Variants in PCDHGA3 observed in about 807,000 individuals in gnomAD.
The protein encoded by PCDHGA3 is protocadherin gamma subfamily A, 3, also known as protocadherin gamma-A3.
A neutral mutation model predicts 58.5 loss-of-function variants in PCDHGA3; 40 were observed. The ratio of observed to expected loss-of-function variants is 0.68; its 90% CI spans 0.53 to 0.89. The LOEUF (loss-of-function observed/expected upper bound fraction) is 0.89, where lower values mean the gene tolerates loss of function less well. Ranked by LOEUF, PCDHGA3 falls within the 40% of genes least tolerant of loss-of-function variation. The pLI is 0.00. For synonymous variants in PCDHGA3, 530 were observed against 525.7 expected (o/e 1.01, Z -0.11); for missense variants, 1,223 against 1,195.9 (o/e 1.02, Z -0.33).
Position 141,491,586 on chromosome 5 carries a change from G to T in PCDHGA3, c.2425-3221G>T, listed in dbSNP as rs373990387. ...ACAGGACGTGCTTTTCACCGGCCTC[G>T]GACGGCAGTGACTTCACTTTTCTAA... On this transcript the variant is annotated intron_variant, in intron 1 of 3. Transcript: ENST00000253812. This position sits in a 1 kb window ranked among gnomAD's most constrained non-coding sequence, Gnocchi z 6.9. 2.1e-5 allele frequency: 34 copies of T among 1,613,792 alleles called. No individual in the cohort carries two copies. In the African/African-American group the frequency reaches 2.4e-4, roughly 11 times the overall value.
intron 1 of PCDHGA3, chr5:141,367,592 A>T (rs1303624910): frequency 1.3e-5 from 2 of 152,018 alleles, no homozygotes; most frequent in African/African-American, 2.4e-5. Flanking sequence ...AGTAGATAAA[A>T]TTTATATTAA....
intron 1 of PCDHGA3, chr5:141,492,013 T>G: frequency 1.6e-6 from 1 of 610,970 alleles, no homozygotes; most frequent in Non-Finnish European, 2.7e-6. Context: ...TCCGCGGGTG[T>G]CGGGGGTCCC....
At chr5:141,500,184 T>A (rs889800014) in intron 2 of PCDHGA3, among the ~76,000 whole-genome samples, 89 of 135,966 alleles carry the variant, frequency 6.5e-4, no homozygotes, top group African/African-American at 2.4e-3. Flanking sequence ...TCATTTTTAT[T>A]TTTATTTATT....
intron 1 of PCDHGA3, chr5:141,355,845 C>T (rs1479367504): frequency 1.2e-6 from 2 of 1,612,160 alleles, no homozygotes; most frequent in African/African-American, 2.7e-5. Context: ...TCACGGCCTT[C>T]GATGGAGGTG....
chr5:141,345,708 G>A lies in PCDHGA3; in HGVS notation c.1675G>A (p.Ala559Thr). The change falls in exon 1 of 4, where the codon GCG becomes ACG. Residue 559 changes from alanine to threonine, a missense_variant. Ala to Thr is a moderately conservative substitution (Grantham distance 58). This residue lies in a region of PCDHGA3 where 791 missense variants were observed against 708.5 expected (regional missense o/e 1.12). Coordinates refer to ENST00000253812, the MANE Select transcript of PCDHGA3 (RefSeq NM_018916.4). ...NLFVLDQNDN[A>T]PEILYPALPT... ...GTTCGTGCTGGACCAGAACGACAAC[G>A]CGCCCGAGATCCTGTACCCCGCCCT... 1 of 1,614,208 alleles carries A rather than the reference G, an allele frequency of 6.2e-7. No individual in the cohort carries two copies. The highest frequency in any genetic ancestry group is 8.5e-7 in the Non-Finnish European group (1 of 1,180,050).
At chr5:141,419,210 GTTT>G in intron 1 of PCDHGA3, 1 of 1,613,926 alleles carries the variant, frequency 6.2e-7, no homozygotes, top group East Asian at 2.2e-5. Flanking sequence ...CAACGCGCCG[GTTT>G]TCGGACAGTC....
intron 1 of PCDHGA3, among the ~76,000 whole-genome samples, chr5:141,464,417 A>C (rs2099083685): frequency 6.6e-6 from 1 of 151,564 alleles, no homozygotes; most frequent in African/African-American, 2.4e-5. Flanking sequence ...ATATATATCT[A>C]TATATATAGA....
At chr5:141,464,413 A>G (rs2099083422) in intron 1 of PCDHGA3, among the ~76,000 whole-genome samples, 1 of 151,632 alleles carries the variant, frequency 6.6e-6, no homozygotes, top group African/African-American at 2.4e-5. Context: ...ATATATATAT[A>G]TCTATATATA....
intron 1 of PCDHGA3, chr5:141,394,634 C>T (rs764703837): frequency 2.5e-6 from 4 of 1,613,328 alleles, no homozygotes; most frequent in Non-Finnish European, 1.7e-6. Flanking sequence ...TGTCCTACCG[C>T]CTGCTCAAGG....
At chr5:141,371,576 C>T in intron 1 of PCDHGA3, 2 of 1,613,882 alleles carry the variant, frequency 1.2e-6, no homozygotes, top group Non-Finnish European at 1.7e-6. Flanking sequence ...CCTTTAAAAT[C>T]GTTCAAGATA....
chr5:141,365,680 C>A (rs1281360154), intron 1 of PCDHGA3: 1 of 1,613,514 alleles, frequency 6.2e-7, no homozygotes, highest in South Asian at 1.1e-5. Flanking sequence ...ACAACCCACC[C>A]AATTTCCCTC....
At chr5:141,478,163 C>T (rs779617960) in intron 1 of PCDHGA3, 1 of 1,614,028 alleles carries the variant, frequency 6.2e-7, no homozygotes, top group Non-Finnish European at 8.5e-7. Context: ...TGGCTCTGCC[C>T]CCCGGGAGCA....
At position 141,432,587 on chromosome 5, in the gene PCDHGA3, A is replaced by G. The variant is rs1344597432; in HGVS notation, c.2425-62220A>G. 5 of 1,613,132 alleles carry G rather than the reference A, an allele frequency of 3.1e-6. No homozygotes were observed. In the East Asian group the frequency reaches 8.9e-5, roughly 29 times the overall value. ...CGCCTGGCTGTCCTACCGTCTGCTC[A>G]AGGCCAGCGAGCCGGGACTCTTCTC... On this transcript the variant is annotated intron_variant, in intron 1 of 3. Transcript: ENST00000253812. This position sits in a 1 kb window ranked among gnomAD's most constrained non-coding sequence, Gnocchi z 6.0.
chr5:141,417,900 G>C, intron 1 of PCDHGA3: 2 of 1,583,452 alleles, frequency 1.3e-6, no homozygotes, highest in Non-Finnish European at 1.7e-6. Context: ...GCCGGCCCGC[G>C]GCAGGTACTA....
At chr5:141,364,193 A>G (rs1588593751) in intron 1 of PCDHGA3, 1 of 1,067,164 alleles carries the variant, frequency 9.4e-7, no homozygotes, top group Non-Finnish European at 1.3e-6. Flanking sequence ...TACTAAACAC[A>G]CAGACCAGAC....
intron 1 of PCDHGA3, chr5:141,352,398 G>T (rs1212224200): frequency 6.2e-7 from 1 of 1,613,996 alleles, no homozygotes; most frequent in East Asian, 2.2e-5. Context: ...CGCCTGCGAC[G>T]TTCCTCCAGC....
At position 141,511,181 on chromosome 5, in the gene PCDHGA3, G is replaced by A. The variant is rs1301391138; in HGVS notation, c.*8G>A. On this transcript the variant is annotated 3_prime_UTR_variant, in exon 4 of 4. Transcript: ENST00000253812. Reference sequence around the variant, plus strand: ...AAGAAGGAGAAGAAGTAACATGGAGGCCAGGCCAAGAGCCACAGGGCGGCC... The same window carrying A: ...AAGAAGGAGAAGAAGTAACATGGAGACCAGGCCAAGAGCCACAGGGCGGCC... 6.2e-7 allele frequency: 1 copy of A among 1,614,016 alleles called. No homozygotes were observed. The highest frequency in any genetic ancestry group is 1.7e-5 in the Admixed American group (1 of 60,016).
rs1400778058 is a variant in PCDHGA3 at position 141,366,688 on chromosome 5, G to A, written c.2424+20231G>A. The A allele has an allele frequency of 6.2e-6, 10 of 1,614,136 alleles. No individual in the cohort carries two copies. The Admixed American group carries it at 1.2e-4, about 19-fold the overall frequency. The stretch of plus-strand genomic sequence containing the variant: ...CGCTCCTTAGTGAAGAGAGCTGTGA[G>A]AAAAGCGAGCCTCTTCTGATGTCTG... On this transcript the variant is annotated intron_variant, in intron 1 of 3. Coordinates refer to ENST00000253812, the MANE Select transcript of PCDHGA3 (RefSeq NM_018916.4).
chr5:141,441,797 G>A, intron 1 of PCDHGA3: 2 of 386,536 alleles, frequency 5.2e-6, no homozygotes, highest in Non-Finnish European at 1.0e-5. Context: ...ACAACGCACC[G>A]CGGGTGCTGT....
Sources: gnomAD v4.1 joint callset for allele counts (sites outside exome capture counted in the v4.1 genomes callset) on GRCh38, gnomAD v4.1.1 for gene constraint, gnomAD v4.1.1 regional missense constraint, Gnocchi (gnomAD v3.1) non-coding constraint, MANE v1.5 for transcripts, NCBI Gene and HGNC (gene_info 2026-07-23, HGNC 2026-07-21) for gene names.